The following PHF19 variants were observed in gnomAD, a reference collection of about 807,000 sequenced individuals.
PHF19 encodes the protein PHD finger protein 19, also known as polycomb like 3.
PHF19 carries 21 observed loss-of-function variants against 79.8 expected under a neutral mutation model. The observed-to-expected ratio is 0.26, with a 90% CI of 0.19 to 0.38. PHF19 has a LOEUF of 0.38. Among genes scored for constraint, PHF19 ranks in the 10% least tolerant of loss-of-function variants. PHF19 has a pLI of 1.00. For synonymous variants in PHF19, 273 were observed against 296.3 expected (o/e 0.92, Z 0.81); for missense variants, 445 against 744.2 (o/e 0.60, Z 4.68).
chr9:120,869,038 C>T lies in PHF19; in HGVS notation c.614+144G>A. The T allele has an allele frequency of 1.1e-6, 1 of 878,770 alleles. No individual in the cohort carries two copies. Among genetic ancestry groups the T allele is most frequent in the Non-Finnish European group, 1.6e-6 (1 of 637,230 alleles). The allele number at this position is 878,770 out of a possible 1,614,324, so 54.4% of individuals were successfully genotyped here. On this transcript the variant is annotated intron_variant, in intron 6 of 14. Coordinates refer to ENST00000373896, the MANE Select transcript of PHF19 (RefSeq NM_015651.3). This position sits in a 1 kb window ranked among gnomAD's most constrained non-coding sequence, Gnocchi z 5.8. ...ACTCCAGGCCCGCCCCTCGAGGCCC[C>T]GCCCCCACAGCGCAACACACTGGGC... is the stretch of plus-strand genomic sequence containing the variant.
intron 9 of PHF19, 109 bp from the exon 10 acceptor site, chr9:120,864,225 G>T (rs1483061563): frequency 3.4e-6 from 3 of 875,898 alleles, no homozygotes; most frequent in African/African-American, 3.3e-5. Flanking sequence ...AGTCCTTCAG[G>T]TGAGGACCAC....
upstream of PHF19, among the ~76,000 whole-genome samples, chr9:120,878,337 G>A (rs962448909): frequency 1.3e-5 from 2 of 152,182 alleles, no homozygotes; most frequent in Non-Finnish European, 2.9e-5. Flanking sequence ...TGGGGGAAAG[G>A]CAGACATGGC....
intron 3 of PHF19, among the ~76,000 whole-genome samples, chr9:120,872,037 C>CAAAAAAAAAAAAAAAAAAAAAAA (rs1170243737): frequency 2.0e-4 from 6 of 30,324 alleles, no homozygotes; most frequent in African/African-American, 4.0e-4. Flanking sequence ...GACTCTGTCT[C>CAAAAAAAAAAAAAAAAAAAAAAA]AAAAAAAAAA....
chr9:120,890,297 CT>C (rs2046325048), intron 1 of PHF19, among the ~76,000 whole-genome samples: 2 of 82,720 alleles, frequency 2.4e-5, no homozygotes, highest in Admixed American at 2.5e-4. Context: ...TTTTTTTTTC[CT>C]GTTAACGCTT....
At chr9:120,890,834 ACT>A (rs1292680058) in intron 1 of PHF19, among the ~76,000 whole-genome samples, 1 of 149,550 alleles carries the variant, frequency 6.7e-6, no homozygotes, top group Non-Finnish European at 1.5e-5. Flanking sequence ...TTGCTTTAAA[ACT>A]CTCCAGAGGG....
rs1258421067 is a variant in PHF19, at chr9:120,869,161, G to T, written c.614+21C>A. ...TGGAGACCTGCCCTGCCGCCCGGGG[G>T]GCCCTGACCCCCTGCCTTACTCTCC... On this transcript the variant is annotated intron_variant, in intron 6 of 14. Transcript: ENST00000373896. The surrounding 1 kb of genome is among the most constrained non-coding windows in gnomAD (Gnocchi z 5.8). 6.3e-7 allele frequency: 1 copy of T among 1,593,630 alleles called. No homozygotes were observed. Among genetic ancestry groups the T allele is most frequent in the Non-Finnish European group, 8.5e-7 (1 of 1,169,892 alleles).
intron 6 of PHF19, chr9:120,868,872 G>C (rs1017372996): frequency 8.9e-7 from 1 of 1,118,266 alleles, no homozygotes. Flanking sequence ...CTCGCCCCAA[G>C]GTCTAACCTT....
At chr9:120,871,123 G>A (rs986103456) in intron 3 of PHF19, among the ~76,000 whole-genome samples, 3 of 152,120 alleles carry the variant, frequency 2.0e-5, no homozygotes, top group African/African-American at 7.2e-5. Flanking sequence ...GGATGGTCTC[G>A]AACTCCTGAC....
Position 120,874,426 on chromosome 9 carries a change from C to T in PHF19, c.186+130G>A. 1.5e-6 allele frequency: 1 copy of T among 647,706 alleles called. No homozygotes were observed. The allele number at this position is 647,706 out of a possible 1,614,324, so 40.1% of individuals were successfully genotyped here. The stretch of plus-strand genomic sequence containing the variant: ...ACCAGGCTCTGGCCCCTCCCACCAC[C>T]AGCTTTGGGCATGAGGGACAAGAAG... On this transcript the variant is annotated intron_variant, in intron 2 of 14. Coordinates refer to ENST00000373896, the MANE Select transcript of PHF19 (RefSeq NM_015651.3). The surrounding 1 kb of genome is among the most constrained non-coding windows in gnomAD (Gnocchi z 4.5).
At position 120,870,171 on chromosome 9, in the gene PHF19, G is replaced by A. The variant is rs1425731858; in HGVS notation, c.365-226C>T. Among the ~76,000 whole-genome samples, 1 of 152,100 alleles carries A rather than the reference G, an allele frequency of 6.6e-6. No homozygotes were observed. The highest frequency in any genetic ancestry group is 1.5e-5 in the Non-Finnish European group (1 of 68,014). Reference sequence around the variant, plus strand: ...TGTGGGGTTGGGGGGGACACAGGAAGGTCTGACTTCAGTGCCTGAGCCCCA... The same window carrying A: ...TGTGGGGTTGGGGGGGACACAGGAAAGTCTGACTTCAGTGCCTGAGCCCCA... On this transcript the variant is annotated intron_variant, in intron 4 of 14. Coordinates refer to ENST00000373896, the MANE Select transcript of PHF19 (RefSeq NM_015651.3). This position sits in a 1 kb window ranked among gnomAD's most constrained non-coding sequence, Gnocchi z 4.4.
At position 120,868,623 on chromosome 9, in the gene PHF19, A is replaced by C. The variant is rs112574259; in HGVS notation, c.614+559T>G. ...CCCTCCAGCCCTGCTCCACAGTGCT[A>C]GATGCCACGCGGAGCCGGCCTTCTG... On this transcript the variant is annotated intron_variant, in intron 6 of 14. Transcript: ENST00000373896. 878 of 184,552 alleles carry C rather than the reference A, an allele frequency of 4.8e-3. 8 individuals carry two copies. Among genetic ancestry groups the C allele is most frequent in the African/African-American group, 0.019 (820 of 42,276 alleles). The allele number at this position is 184,552 out of a possible 1,614,324, so 11.4% of individuals were successfully genotyped here.
At chr9:120,888,649 G>A (rs1234589335) in intron 1 of PHF19, among the ~76,000 whole-genome samples, 4 of 152,166 alleles carry the variant, frequency 2.6e-5, no homozygotes, top group Non-Finnish European at 4.4e-5. Flanking sequence ...TTGATTATGA[G>A]CAACCAGGAC....
At chr9:120,903,955 G>A in the PHF19 span, 3 of 152,222 alleles carry the variant, frequency 2.0e-5, no homozygotes, top group African/African-American at 4.8e-5. Flanking sequence ...ATACACTTTA[G>A]GAAAACTTCG....
At chr9:120,878,176 A>C (rs1166042212), upstream of PHF19, among the ~76,000 whole-genome samples, 1 of 152,266 alleles carries the variant, frequency 6.6e-6, no homozygotes, top group African/African-American at 2.4e-5. Flanking sequence ...GACACAGTGC[A>C]CAGAAATACA....
At chr9:120,865,265 A>C (rs933009663) in intron 9 of PHF19, among the ~76,000 whole-genome samples, 2 of 152,248 alleles carry the variant, frequency 1.3e-5, no homozygotes, top group East Asian at 3.8e-4. Flanking sequence ...GCTCAGCCTC[A>C]AAGCTCTGCT....
chr9:120,859,133 A>G (rs534475770), intron 14 of PHF19, among the ~76,000 whole-genome samples: 1 of 152,018 alleles, frequency 6.6e-6, no homozygotes, highest in African/African-American at 2.4e-5. Context: ...ACCAACAAAC[A>G]GGAAGAAAGA....
In PHF19 at chr9:120,866,954, C is replaced by T. The variant is rs1311999170; in HGVS notation, c.626G>A (p.Arg209Gln). The stretch of plus-strand genomic sequence containing the variant: ...CCTGCACCGGTAACATTGCAGCATC[C>T]GCAGGTACCATCTGGAGAGACAGAG... ...YCGGPGEWYL[R>Q]MLQCYRCRQW... The change falls in exon 7 of 15, where the codon CGG becomes CAG. Residue 209 changes from arginine (R) to glutamine (Q), a missense_variant. By Grantham distance (43) the Arg-to-Gln change is conservative. Coordinates refer to ENST00000373896, the MANE Select transcript of PHF19 (RefSeq NM_015651.3). The surrounding 1 kb of genome is among the most constrained non-coding windows in gnomAD (Gnocchi z 5.2). 11 of 1,607,380 alleles carry T rather than the reference C, an allele frequency of 6.8e-6. No individual in the cohort carries two copies. The Admixed American group carries it at 1.0e-4, about 15-fold the overall frequency.
At chr9:120,867,967 G>A (rs1027684856) in intron 6 of PHF19, among the ~76,000 whole-genome samples, 7 of 152,240 alleles carry the variant, frequency 4.6e-5, no homozygotes, top group Non-Finnish European at 7.3e-5. Flanking sequence ...AAAGACTCTT[G>A]CCGCAGAGCC....
At chr9:120,880,626 T>C (rs904935799), upstream of PHF19, among the ~76,000 whole-genome samples, 21 of 152,236 alleles carry the variant, frequency 1.4e-4, 1 homozygote, top group African/African-American at 3.9e-4. Context: ...AACATCAAGT[T>C]GTAGCATAGG....
Sources: gnomAD v4.1 joint callset for allele counts (sites outside exome capture counted in the v4.1 genomes callset) on GRCh38, gnomAD v4.1.1 for gene constraint, Gnocchi (gnomAD v3.1) non-coding constraint, MANE v1.5 for transcripts, NCBI Gene and HGNC (gene_info 2026-07-23, HGNC 2026-07-21) for gene names.